Variants in COL25A1 observed in about 807,000 individuals in gnomAD.
COL25A1 encodes the protein collagen alpha-1(XXV) chain.
A neutral mutation model predicts 128.4 loss-of-function variants in COL25A1; 103 were observed. The observed-to-expected ratio is 0.80, with a 90% CI of 0.68 to 0.94. The LOEUF (loss-of-function observed/expected upper bound fraction) is 0.94, where lower values mean the gene tolerates loss of function less well. Among genes scored for constraint, COL25A1 ranks in the 40% least tolerant of loss-of-function variants. The pLI, the probability that COL25A1 is intolerant of heterozygous loss-of-function variation, is 0.00. For missense variants in COL25A1, 745 were observed against 840.0 expected (o/e 0.89, Z 1.40); for synonymous variants, 279 against 277.2 (o/e 1.01, Z -0.06).
chr4:109,179,595 G>A (rs1285879766), intron 3 of COL25A1, among the ~76,000 whole-genome samples: 1 of 152,142 alleles, frequency 6.6e-6, no homozygotes, highest in African/African-American at 2.4e-5. Context: ...GAAATAACCA[G>A]TCACAAAACA....
chr4:109,082,454 T>C (rs1763925744), intron 3 of COL25A1, among the ~76,000 whole-genome samples: 1 of 152,212 alleles, frequency 6.6e-6, no homozygotes, highest in Non-Finnish European at 1.5e-5. Flanking sequence ...CTCACCAACA[T>C]TTGTTACGAT....
chr4:109,034,456 T>C (rs1759155276), intron 5 of COL25A1, among the ~76,000 whole-genome samples: 1 of 152,204 alleles, frequency 6.6e-6, no homozygotes, highest in Non-Finnish European at 1.5e-5. Context: ...AACAGCATAC[T>C]GTATACCATA....
At chr4:108,907,494 A>G (rs988876812) in intron 13 of COL25A1, among the ~76,000 whole-genome samples, 3 of 152,176 alleles carry the variant, frequency 2.0e-5, no homozygotes, top group African/African-American at 7.2e-5. Context: ...AATTTACACA[A>G]GTGTCATCAT....
chr4:109,062,510 T>C (rs1005979118), intron 3 of COL25A1, among the ~76,000 whole-genome samples: 1 of 152,158 alleles, frequency 6.6e-6, no homozygotes, highest in Non-Finnish European at 1.5e-5. Context: ...TTATGCTCCT[T>C]AGTAAAATGA....
At chr4:108,915,887 T>C (rs1310231137) in intron 13 of COL25A1, among the ~76,000 whole-genome samples, 1 of 152,194 alleles carries the variant, frequency 6.6e-6, no homozygotes, top group Non-Finnish European at 1.5e-5. Flanking sequence ...TGTAAGCTCC[T>C]TTCTTAGAAA....
intron 5 of COL25A1, among the ~76,000 whole-genome samples, chr4:109,013,022 G>A (rs1030896124): frequency 6.6e-6 from 1 of 152,274 alleles, no homozygotes; most frequent in Non-Finnish European, 1.5e-5. Flanking sequence ...CTCAGGGTTC[G>A]TGGATGCACC....
At chr4:109,185,825 C>T (rs959077803) in intron 3 of COL25A1, among the ~76,000 whole-genome samples, 1 of 152,104 alleles carries the variant, frequency 6.6e-6, no homozygotes, top group Non-Finnish European at 1.5e-5. Context: ...TCCCTCTCTC[C>T]ATCACCAGAG....
intron 5 of COL25A1, among the ~76,000 whole-genome samples, chr4:109,015,798 G>A (rs1757154359): frequency 6.6e-6 from 1 of 152,254 alleles, no homozygotes; most frequent in South Asian, 2.1e-4. Context: ...AATGGAACAT[G>A]ATAAATGAGA....
At chr4:108,901,045 G>A (rs1185500171) in intron 14 of COL25A1, 74 bp downstream of exon 14, 6 of 1,182,910 alleles carry the variant, frequency 5.1e-6, no homozygotes, top group South Asian at 1.3e-5. Flanking sequence ...GTTAAAAATT[G>A]TATTAAATAA....
At chr4:108,825,292 G>C (rs1263637667) in intron 33 of COL25A1, 70 bp from the exon 34 acceptor site, 1 of 1,266,454 alleles carries the variant, frequency 7.9e-7, no homozygotes, top group Non-Finnish European at 1.2e-6. Flanking sequence ...TTTATTTAAG[G>C]CTGTCTGAAC....
chr4:108,997,329 G>T (rs924557347), intron 6 of COL25A1, among the ~76,000 whole-genome samples: 3 of 152,170 alleles, frequency 2.0e-5, no homozygotes, highest in Non-Finnish European at 4.4e-5. Context: ...ACTACCATCA[G>T]AGAATACTAT....
At chr4:109,227,824 G>A (rs143087203) in intron 3 of COL25A1, among the ~76,000 whole-genome samples, 88 of 152,200 alleles carry the variant, frequency 5.8e-4, no homozygotes, top group African/African-American at 2.0e-3. Flanking sequence ...ATTTATTAGG[G>A]GAATTGATTC....
intron 6 of COL25A1, among the ~76,000 whole-genome samples, chr4:108,986,221 C>T (rs1332086966): frequency 6.6e-6 from 1 of 152,140 alleles, no homozygotes; most frequent in East Asian, 1.9e-4. Context: ...ATTAATTTTT[C>T]TAAAGCACAT....
intron 3 of COL25A1, among the ~76,000 whole-genome samples, chr4:109,190,680 T>C (rs1775533519): frequency 6.6e-6 from 1 of 152,200 alleles, no homozygotes; most frequent in African/African-American, 2.4e-5. Context: ...ACTGATGTAA[T>C]TTCTTCTTGA....
intron 3 of COL25A1, among the ~76,000 whole-genome samples, chr4:109,133,204 AC>A (rs1769392770): frequency 6.6e-6 from 1 of 152,130 alleles, no homozygotes. Flanking sequence ...CTATAAGGAA[AC>A]ATATTTAACA....
chr4:108,985,044 G>C (rs1048972807), intron 6 of COL25A1, among the ~76,000 whole-genome samples: 1 of 152,254 alleles, frequency 6.6e-6, no homozygotes, highest in Non-Finnish European at 1.5e-5. Context: ...GAGGCTAGGA[G>C]AGTCTGACTC....
At chr4:108,991,259 A>G (rs1754201997) in intron 6 of COL25A1, among the ~76,000 whole-genome samples, 1 of 152,204 alleles carries the variant, frequency 6.6e-6, no homozygotes, top group Admixed American at 6.5e-5. Flanking sequence ...TAGGCAATAG[A>G]AATTCTTCAG....
intron 3 of COL25A1, among the ~76,000 whole-genome samples, chr4:109,255,806 A>C (rs1003393995): frequency 9.2e-5 from 14 of 152,218 alleles, no homozygotes; most frequent in African/African-American, 3.4e-4. Flanking sequence ...CACAATGAAT[A>C]CTACATCTGT....
chr4:108,920,833 CCTCT>C (rs1257349827), intron 11 of COL25A1, among the ~76,000 whole-genome samples: 7 of 152,082 alleles, frequency 4.6e-5, no homozygotes, highest in Non-Finnish European at 7.4e-5. Flanking sequence ...TCTGATTTCT[CCTCT>C]CTATTAAAAA....
Sources: allele counts gnomAD v4.1 joint callset (sites outside exome capture counted in the v4.1 genomes callset), GRCh38; gene constraint gnomAD v4.1.1; transcripts MANE v1.5; gene names NCBI Gene and HGNC (gene_info 2026-07-23, HGNC 2026-07-21).